The following SP4 variants were observed in gnomAD, a reference collection of about 807,000 sequenced individuals.
SP4 encodes Sp4 transcription factor.
Under a neutral mutation model 72.8 loss-of-function variants are expected in SP4, and 19 were observed. The ratio of observed to expected loss-of-function variants is 0.26; its 90% CI spans 0.18 to 0.38. The LOEUF is 0.38. SP4 is among the 10% of genes least tolerant of loss of function. SP4 has a pLI of 1.00. For synonymous variants in SP4, 395 were observed against 333.1 expected (o/e 1.19, Z -2.02); for missense variants, 1,008 against 926.3 (o/e 1.09, Z -1.14).
chr7:21,479,976 A>T (rs1361332333), intron 4 of SP4, among the ~76,000 whole-genome samples: 1 of 117,888 alleles, frequency 8.5e-6, no homozygotes, highest in African/African-American at 3.7e-5. Flanking sequence ...TTGATTAGTT[A>T]TAACAGTTTT....
intron 3 of SP4, among the ~76,000 whole-genome samples, chr7:21,467,200 T>A (rs185072612): frequency 4.1e-4 from 62 of 152,180 alleles, no homozygotes; most frequent in African/African-American, 1.5e-3. Flanking sequence ...TCACACTTTG[T>A]GACAACCAAA....
chr7:21,486,713 AGGGTGTG>A, intron 5 of SP4, among the ~76,000 whole-genome samples: 1 of 152,182 alleles, frequency 6.6e-6, no homozygotes, highest in Non-Finnish European at 1.5e-5. Flanking sequence ...TGGTTAATGT[AGGGTGTG>A]CCACATTTCT....
intron 5 of SP4, among the ~76,000 whole-genome samples, chr7:21,508,769 G>T (rs1434325256): frequency 6.8e-6 from 1 of 146,102 alleles, no homozygotes; most frequent in African/African-American, 2.5e-5. Context: ...TTGGCATAGA[G>T]TTTGTGTTTG....
intron 3 of SP4, among the ~76,000 whole-genome samples, chr7:21,471,972 A>G (rs1359974859): frequency 6.6e-6 from 1 of 152,240 alleles, no homozygotes; most frequent in Non-Finnish European, 1.5e-5. Context: ...AAGGAGATAG[A>G]GAGGAATCAA....
At chr7:21,475,711 C>G (rs891944701) in intron 3 of SP4, among the ~76,000 whole-genome samples, 2 of 152,174 alleles carry the variant, frequency 1.3e-5, no homozygotes, top group African/African-American at 4.8e-5. Context: ...GATCTGACAT[C>G]TCAGCCTCCC....
chr7:21,502,816 A>T (rs1296381087), intron 5 of SP4, among the ~76,000 whole-genome samples: 1 of 152,184 alleles, frequency 6.6e-6, no homozygotes. Context: ...GTTTGAGAAT[A>T]AATCGCCCTA....
At position 21,477,110 on chromosome 7, in the gene SP4, C is replaced by G. The variant is rs958702849; in HGVS notation, c.1710C>G (p.Val570=). The change falls in exon 4 of 6, where the codon GTC becomes GTG. Residue 570 remains valine, a synonymous_variant. Transcript: ENST00000222584. The part of the protein sequence containing the change: ...GQQQGQDGVK[V]QQATIAPVTV... Reference sequence around the variant, plus strand: ...AGCAAGGACAAGATGGAGTAAAAGTCCAGCAAGCTACTATAGCTCCTGTAA... The same window carrying G: ...AGCAAGGACAAGATGGAGTAAAAGTGCAGCAAGCTACTATAGCTCCTGTAA... 6.2e-7 allele frequency: 1 copy of G among 1,613,720 alleles called. No individual in the cohort carries two copies. Among genetic ancestry groups the G allele is most frequent in the African/African-American group, 1.3e-5 (1 of 74,820 alleles).
At chr7:21,489,553 CTTTTTTTTTTTT>C (rs1193080485) in intron 5 of SP4, among the ~76,000 whole-genome samples, 1 of 82,514 alleles carries the variant, frequency 1.2e-5, no homozygotes, top group Non-Finnish European at 2.3e-5. Context: ...TTTCTTTTTT[CTTTTTTTTTTTT>C]TTTTTTTTTT....
rs755352451 is a variant in SP4, at chr7:21,429,466, G to A, written c.301G>A (p.Ala101Thr). The stretch of plus-strand genomic sequence containing the variant: ...GGTAACAACGCAACTTGCTGGAAAC[G>A]CTTGGCAACTTGTTGCCTCCACTCC... ...ELVTTQLAGNAWQLVASTPPA... is the reference protein window; with the variant it reads ...ELVTTQLAGNTWQLVASTPPA... The change falls in exon 3 of 6, where the codon GCT (alanine) becomes ACT (threonine). Residue 101 changes from alanine to threonine, a missense_variant. Around this residue, in one of 3 missense-constraint regions of SP4, gnomAD observed 893 missense variants for 743.3 expected, o/e 1.20. Coordinates refer to ENST00000222584, the MANE Select transcript of SP4 (RefSeq NM_003112.5). 3.1e-6 allele frequency: 5 copies of A among 1,614,056 alleles called. No homozygotes were observed. The East Asian group carries it at 8.9e-5, about 29-fold the overall frequency.
At position 21,482,230 on chromosome 7, in the gene SP4, A is replaced by C. The variant is rs996998320; in HGVS notation, c.2107+107A>C. 6.9e-5 allele frequency: 56 copies of C among 817,244 alleles called. 1 individual carries two copies. The South Asian group carries it at 9.3e-4, about 14-fold the overall frequency. The allele number at this position is 817,244 out of a possible 1,614,324, so 50.6% of individuals were successfully genotyped here. ...ATTGGAAATATGCAAATGAAGGAGA[A>C]GGCATTTACTTTAGCAATTATATGG... On this transcript the variant is annotated intron_variant, in intron 5 of 5. Coordinates refer to ENST00000222584, the MANE Select transcript of SP4 (RefSeq NM_003112.5).
chr7:21,455,134 C>T (rs746116330), intron 3 of SP4, among the ~76,000 whole-genome samples: 6 of 152,078 alleles, frequency 3.9e-5, no homozygotes, highest in South Asian at 2.1e-4. Context: ...GGGGTGGGGG[C>T]GTGCTTCAAC....
intron 3 of SP4, among the ~76,000 whole-genome samples, chr7:21,439,727 G>A (rs1217062737): frequency 6.6e-6 from 1 of 151,630 alleles, no homozygotes; most frequent in Admixed American, 6.6e-5. Context: ...GTACCTCTAC[G>A]AAAAAAGGAA....
chr7:21,457,610 T>G (rs1420815246), intron 3 of SP4, among the ~76,000 whole-genome samples: 1 of 152,196 alleles, frequency 6.6e-6, no homozygotes, highest in African/African-American at 2.4e-5. Flanking sequence ...GCCAAGAGTG[T>G]TTTTGATAAT....
At chr7:21,445,848 C>T (rs190765567) in intron 3 of SP4, among the ~76,000 whole-genome samples, 14 of 152,038 alleles carry the variant, frequency 9.2e-5, no homozygotes, top group Admixed American at 9.2e-4. Context: ...AACAAGCTAC[C>T]AAAGAGAATT....
chr7:21,497,868 C>T (rs1049211049), intron 5 of SP4, among the ~76,000 whole-genome samples: 1 of 152,188 alleles, frequency 6.6e-6, no homozygotes, highest in Non-Finnish European at 1.5e-5. Context: ...TGAAAAATCA[C>T]TCATTATGCA....
chr7:21,429,854 C>T lies in SP4; in HGVS notation c.689C>T (p.Pro230Leu), dbSNP rs1328629632. The T allele has an allele frequency of 1.2e-6, 2 of 1,614,184 alleles. No homozygotes were observed. Among genetic ancestry groups the T allele is most frequent in the Non-Finnish European group, 1.7e-6 (2 of 1,180,022 alleles). Reference sequence around the variant, plus strand: ...CAAAACCTGGCAAATCAGACAGTTCCGGTCCAAATTAGACCTGGTGTTTCA... The same window carrying T: ...CAAAACCTGGCAAATCAGACAGTTCTGGTCCAAATTAGACCTGGTGTTTCA... ...LAQNLANQTV[P>L]VQIRPGVSIP... The change falls in exon 3 of 6, where the codon CCG becomes CTG. Residue 230 changes from proline (P) to leucine (L), a missense_variant. Physicochemically the swap from Pro to Leu is moderately conservative, Grantham distance 98. Coordinates refer to ENST00000222584, the MANE Select transcript of SP4 (RefSeq NM_003112.5).
chr7:21,461,929 T>C (rs1784004073), intron 3 of SP4, among the ~76,000 whole-genome samples: 1 of 152,186 alleles, frequency 6.6e-6, no homozygotes, highest in Non-Finnish European at 1.5e-5. Context: ...AGAATGACGA[T>C]GTCAGACCAA....
intron 5 of SP4, among the ~76,000 whole-genome samples, chr7:21,484,082 A>G (rs1257236432): frequency 6.6e-6 from 1 of 151,878 alleles, no homozygotes; most frequent in Non-Finnish European, 1.5e-5. Flanking sequence ...GTAGTATCAG[A>G]AAAGAAAAAA....
At chr7:21,489,821 G>A (rs1583438252) in intron 5 of SP4, among the ~76,000 whole-genome samples, 1 of 151,968 alleles carries the variant, frequency 6.6e-6, no homozygotes, top group African/African-American at 2.4e-5. Flanking sequence ...GCCTCCCAAA[G>A]TGCTGGGATT....
Sources: allele counts gnomAD v4.1 joint callset (sites outside exome capture counted in the v4.1 genomes callset), GRCh38; gene constraint gnomAD v4.1.1; regional missense constraint gnomAD v4.1.1; transcripts MANE v1.5; gene names NCBI Gene and HGNC (gene_info 2026-07-23, HGNC 2026-07-21).